Variants in AFAP1L2 observed in about 807,000 individuals in gnomAD.
AFAP1L2 encodes actin filament-associated protein 1-like 2.
In AFAP1L2, 46 loss-of-function variants were observed where a neutral mutation model predicts 99.3. The observed-to-expected ratio is 0.46, with a 90% CI of 0.37 to 0.59. The LOEUF (loss-of-function observed/expected upper bound fraction) is 0.59, where lower values mean the gene tolerates loss of function less well. AFAP1L2 is among the 20% of genes least tolerant of loss of function. The pLI is 0.00. For synonymous variants in AFAP1L2, 397 were observed against 419.1 expected (o/e 0.95, Z 0.64); for missense variants, 959 against 1,034.9 (o/e 0.93, Z 1.01).
chr10:114,324,882 G>A (rs1467318870), intron 4 of AFAP1L2, among the ~76,000 whole-genome samples: 1 of 152,166 alleles, frequency 6.6e-6, no homozygotes, highest in Admixed American at 6.5e-5. Flanking sequence ...TGGATTTGGG[G>A]GACCCAGGAT....
At chr10:114,323,358 G>T in intron 4 of AFAP1L2, 97 bp from the exon 5 acceptor site, 1 of 1,068,348 alleles carries the variant, frequency 9.4e-7, no homozygotes, top group Non-Finnish European at 1.4e-6. Flanking sequence ...AGACAAAAAT[G>T]CCCAGCTGGA....
intron 1 of AFAP1L2, among the ~76,000 whole-genome samples, chr10:114,369,366 C>T (rs1169829981): frequency 2.0e-5 from 3 of 152,108 alleles, no homozygotes; most frequent in South Asian, 2.1e-4. Context: ...GAGGCCGAGG[C>T]GGGCGGATCA....
intron 1 of AFAP1L2, among the ~76,000 whole-genome samples, chr10:114,371,367 C>G (rs935279208): frequency 1.3e-5 from 2 of 152,110 alleles, no homozygotes; most frequent in South Asian, 4.1e-4. Flanking sequence ...AGAGGCAAAT[C>G]AGGGAAGGAA....
At chr10:114,309,863 C>T (rs1037624833) in intron 8 of AFAP1L2, among the ~76,000 whole-genome samples, 1 of 152,148 alleles carries the variant, frequency 6.6e-6, no homozygotes, top group Non-Finnish European at 1.5e-5. Flanking sequence ...GGTCTGTATC[C>T]GTTTCCTCCA....
chr10:114,297,513 A>G, intron 16 of AFAP1L2, 100 bp from the exon 17 acceptor site: 1 of 1,285,578 alleles, frequency 7.8e-7, no homozygotes, highest in African/African-American at 1.5e-5. Flanking sequence ...GCCACCCGAG[A>G]AGGACCACAG....
Position 114,297,423 on chromosome 10 carries a change from G to T in AFAP1L2, c.2114-10C>A. On this transcript the variant is annotated splice_polypyrimidine_tract_variant and intron_variant, in intron 16 of 18. Transcript: ENST00000304129. ...GCCAGGACTTCCTTGTCTGGAGAGA[G>T]AATTATGCAGGTGTCAGAGAACAGC... is the stretch of plus-strand genomic sequence containing the variant. 1.2e-6 allele frequency: 2 copies of T among 1,610,530 alleles called. No individual in the cohort carries two copies. The highest frequency in any genetic ancestry group is 8.5e-7 in the Non-Finnish European group (1 of 1,179,388).
intron 1 of AFAP1L2, among the ~76,000 whole-genome samples, chr10:114,351,617 G>A (rs142638745): frequency 3.9e-5 from 6 of 152,318 alleles, no homozygotes; most frequent in Non-Finnish European, 5.9e-5. Context: ...TGGACCACCA[G>A]GCAAAAGCCC....
chr10:114,300,511 T>C lies in AFAP1L2; in HGVS notation c.1722A>G (p.Ala574=). 6.2e-7 allele frequency: 1 copy of C among 1,614,084 alleles called. No individual in the cohort carries two copies. Among genetic ancestry groups the C allele is most frequent in the African/African-American group, 1.3e-5 (1 of 75,008 alleles). ...CTGGGGTGGGACCTGGGCCTGAGTCTGCCGGGAGGGCCTCAGTTGCATTGT... is the reference window on the plus strand; with the variant it reads ...CTGGGGTGGGACCTGGGCCTGAGTCCGCCGGGAGGGCCTCAGTTGCATTGT... ...CLDNATEALP[A]DSGPGPTPDE... Residue 574 remains alanine, a synonymous_variant, in exon 14 of 19, where the codon GCA becomes GCG. Transcript: ENST00000304129.
the AFAP1L2 span, among the ~76,000 whole-genome samples, chr10:114,287,269 C>G: frequency 1.3e-5 from 2 of 152,190 alleles, no homozygotes; most frequent in African/African-American, 4.8e-5. Context: ...CAGCCTTGAA[C>G]TCCTGGGCTC....
Position 114,331,795 on chromosome 10 carries a change from A to T in AFAP1L2, c.315+8T>A. The T allele has an allele frequency of 7.2e-7, 1 of 1,380,576 alleles. No individual in the cohort carries two copies. Among genetic ancestry groups the T allele is most frequent in the Non-Finnish European group, 9.4e-7 (1 of 1,061,392 alleles). The allele number at this position is 1,380,576 out of a possible 1,614,324, so 85.5% of individuals were successfully genotyped here. A position where few individuals can be genotyped will look rare whatever the true frequency, so the allele number is the denominator to read the frequency against. On this transcript the variant is annotated splice_region_variant and intron_variant, in intron 4 of 18. Transcript: ENST00000304129. ...CAGGGAAATCAGGGGTCCTGAACTGATGCTTACCATCTTGGGTGGCGGGAG... is the reference window on the plus strand; with the variant it reads ...CAGGGAAATCAGGGGTCCTGAACTGTTGCTTACCATCTTGGGTGGCGGGAG...
At chr10:114,354,898 T>A (rs1012832420) in intron 1 of AFAP1L2, among the ~76,000 whole-genome samples, 4 of 152,206 alleles carry the variant, frequency 2.6e-5, no homozygotes, top group African/African-American at 9.6e-5. Flanking sequence ...CTTTAGTCAC[T>A]GATGACCAAA....
intron 1 of AFAP1L2, among the ~76,000 whole-genome samples, chr10:114,384,704 T>C (rs2056266928): frequency 6.6e-6 from 1 of 152,248 alleles, no homozygotes; most frequent in African/African-American, 2.4e-5. Context: ...AAACACCTAC[T>C]TCCAGAGAGA....
intron 1 of AFAP1L2, among the ~76,000 whole-genome samples, chr10:114,355,952 A>G (rs2051311031): frequency 6.6e-6 from 1 of 152,144 alleles, no homozygotes; most frequent in Non-Finnish European, 1.5e-5. Context: ...TAGCCTGGGT[A>G]ATAGAGTGAG....
chr10:114,404,565 G>T (rs2058552123), upstream of AFAP1L2: 2 of 1,363,946 alleles, frequency 1.5e-6, no homozygotes, highest in Non-Finnish European at 1.9e-6. Flanking sequence ...TCACGCTCGC[G>T]GCCGGACCTC....
In AFAP1L2 at chr10:114,339,187, G is replaced by A. The variant is rs1194158100; in HGVS notation, c.145+1416C>T. Reference sequence around the variant, plus strand: ...AAAATACTTCACTTAGGCCGGGCGCGGTGGCTCACGCCTGTAATCCCAGCA... The same window carrying A: ...AAAATACTTCACTTAGGCCGGGCGCAGTGGCTCACGCCTGTAATCCCAGCA... On this transcript the variant is annotated intron_variant, in intron 2 of 18. Transcript: ENST00000304129. 3.3e-5 allele frequency among the ~76,000 whole-genome samples: 5 copies of A among 152,126 alleles called. No individual in the cohort carries two copies. The East Asian group carries it at 7.7e-4, about 23-fold the overall frequency.
At chr10:114,286,010 G>C in the AFAP1L2 span, 1 of 1,614,118 alleles carries the variant, frequency 6.2e-7, no homozygotes, top group South Asian at 1.1e-5. Flanking sequence ...CACCACTCTG[G>C]ACGGCTTCCT....
At chr10:114,315,223 G>T (rs1398997520) in intron 6 of AFAP1L2, among the ~76,000 whole-genome samples, 2 of 150,824 alleles carry the variant, frequency 1.3e-5, no homozygotes, top group Non-Finnish European at 3.0e-5. Context: ...AGCCTGACTG[G>T]ACTCCAGCGG....
At chr10:114,290,620 A>G (rs1477704527), downstream of AFAP1L2, among the ~76,000 whole-genome samples, 1 of 152,232 alleles carries the variant, frequency 6.6e-6, no homozygotes, top group Non-Finnish European at 1.5e-5. Flanking sequence ...AAGACAGACA[A>G]TAAGCAAATA....
chr10:114,312,471 G>A (rs542343544), intron 7 of AFAP1L2, among the ~76,000 whole-genome samples: 1 of 152,106 alleles, frequency 6.6e-6, no homozygotes, highest in Non-Finnish European at 1.5e-5. Flanking sequence ...AGAGCTCTGG[G>A]TCCTAATCAG....
Sources: allele counts gnomAD v4.1 joint callset (sites outside exome capture counted in the v4.1 genomes callset), GRCh38; gene constraint gnomAD v4.1.1; transcripts MANE v1.5; gene names NCBI Gene and HGNC (gene_info 2026-07-23, HGNC 2026-07-21).